Variants in RUFY2 observed in about 807,000 individuals in gnomAD.
RUFY2 encodes the protein RUN and FYVE domain containing 2.
RUFY2 carries 49 observed loss-of-function variants against 94.4 expected under a neutral mutation model. The observed-to-expected ratio is 0.52, with a 90% CI of 0.41 to 0.66. The LOEUF is 0.66. Ranked by LOEUF, RUFY2 falls within the 30% of genes least tolerant of loss-of-function variation. RUFY2 has a pLI of 0.00. For synonymous variants in RUFY2, 255 were observed against 235.7 expected, an observed-to-expected ratio of 1.08 and a Z score of -0.75; for missense variants, 541 against 692.8, an observed-to-expected ratio of 0.78 and a Z score of 2.46.
chr10:68,349,565 G>A (rs1354126933), intron 16 of RUFY2, among the ~76,000 whole-genome samples: 1 of 151,792 alleles, frequency 6.6e-6, no homozygotes, highest in East Asian at 1.9e-4. Flanking sequence ...TTGAGACAGA[G>A]TCTCGCTCTG....
chr10:68,368,343 A>T (rs1286691058), intron 13 of RUFY2, among the ~76,000 whole-genome samples: 1 of 151,906 alleles, frequency 6.6e-6, no homozygotes, highest in African/African-American at 2.4e-5. Flanking sequence ...CAAATTTCTC[A>T]AATTATTATA....
In RUFY2 at chr10:68,349,050, C is replaced by T. The variant is rs61857313; in HGVS notation, c.1600-2966G>A. The stretch of plus-strand genomic sequence containing the variant: ...AGAGAAAAGTCCTGTAAATACTAAA[C>T]ATTTGTAGAGGGTACCCAATAGTTC... On this transcript the variant is annotated intron_variant, in intron 16 of 17. Coordinates refer to ENST00000602465, the MANE Select transcript of RUFY2 (RefSeq NM_001330103.2). Among the ~76,000 whole-genome samples the T allele has an allele frequency of 2.0e-5, 3 of 152,102 alleles. No homozygotes were observed. The East Asian group carries it at 5.8e-4, about 29-fold the overall frequency.
chr10:68,396,999 T>G, intron 3 of RUFY2, 118 bp from the exon 4 acceptor site: 1 of 641,704 alleles, frequency 1.6e-6, no homozygotes, highest in Non-Finnish European at 2.7e-6. Flanking sequence ...TTGTTTTCAT[T>G]TTTATAGGTT....
chr10:68,385,597 T>TA (rs1220231002), intron 8 of RUFY2, among the ~76,000 whole-genome samples: 2 of 152,146 alleles, frequency 1.3e-5, no homozygotes, highest in Non-Finnish European at 2.9e-5. Flanking sequence ...TTCTTTTTTT[T>TA]AATGTGTATT....
chr10:68,396,878 G>A lies in RUFY2; in HGVS notation c.300C>T (p.Thr100=), dbSNP rs773125249. Residue 100 remains threonine, a synonymous_variant, in exon 4 of 18, where the codon ACC becomes ACT. Coordinates refer to ENST00000602465, the MANE Select transcript of RUFY2 (RefSeq NM_001330103.2). ...GCCACGCTCTTGCTCGACCCAGAGG[G>A]GTCCTAAAGAGAAGAACCAATTGAT... The part of the protein sequence containing the change: ...ASVRDLPGLK[T]PLGRARAWLR... 3 of 1,610,848 alleles carry A rather than the reference G, an allele frequency of 1.9e-6. No homozygotes were observed. The highest frequency in any genetic ancestry group is 8.5e-7 in the Non-Finnish European group (1 of 1,177,938).
intron 16 of RUFY2, among the ~76,000 whole-genome samples, chr10:68,350,221 G>A (rs985873808): frequency 5.3e-5 from 8 of 151,896 alleles, no homozygotes; most frequent in Non-Finnish European, 1.2e-4. Context: ...TGTTGGCCAG[G>A]TTGGTCTCGA....
In RUFY2 at chr10:68,395,430, A is replaced by G. The variant is rs192451611; in HGVS notation, c.399-979T>C. ...TGACTGCTGCTGATCTGATTATGAT[A>G]TATTTTATTAGAGTTGAATTTTCAA... On this transcript the variant is annotated intron_variant, in intron 4 of 17. Transcript: ENST00000602465. Among the ~76,000 whole-genome samples the G allele has an allele frequency of 4.8e-3, 726 of 152,200 alleles. 32 individuals carry two copies. Among genetic ancestry groups the G allele is most frequent in the Admixed American group, 0.041 (632 of 15,272 alleles).
chr10:68,354,621 C>T (rs2046918358), intron 16 of RUFY2, among the ~76,000 whole-genome samples: 1 of 152,184 alleles, frequency 6.6e-6, no homozygotes. Context: ...CACTTTCACA[C>T]ACATGTATTA....
chr10:68,387,987 G>A (rs1355236030), intron 7 of RUFY2, among the ~76,000 whole-genome samples: 1 of 151,848 alleles, frequency 6.6e-6, no homozygotes, highest in East Asian at 1.9e-4. Flanking sequence ...TGGGTGACAG[G>A]GCAAGACTCT....
chr10:68,401,791 CTT>C, intron 2 of RUFY2, 54 bp from the exon 3 acceptor site: 1 of 1,021,220 alleles, frequency 9.8e-7, no homozygotes, highest in Non-Finnish European at 1.5e-6. Flanking sequence ...ACTGTAGTAA[CTT>C]ATTTTTAAAT....
chr10:68,402,811 T>C (rs2050951575), intron 2 of RUFY2, among the ~76,000 whole-genome samples: 2 of 150,922 alleles, frequency 1.3e-5, no homozygotes, highest in African/African-American at 2.4e-5. Context: ...CAGATGTCTA[T>C]GTAAATGGAA....
rs2048721928 is a variant in RUFY2, at chr10:68,376,944, C to T, written c.1234G>A (p.Glu412Lys). The T allele has an allele frequency of 6.2e-7, 1 of 1,613,560 alleles. No homozygotes were observed. The highest frequency in any genetic ancestry group is 8.5e-7 in the Non-Finnish European group (1 of 1,179,922). ...TATTTCTCATCCTCATCTTCAGCTT[C>T]CATTTGCGCCTTCTCTGCTTGCTGC... ...RLQQAEKAQM[E>K]AEDEDEKYLQ... The change falls in exon 13 of 18, where the codon GAA (glutamate) becomes AAA (lysine). Residue 412 changes from glutamate (E) to lysine (K), a missense_variant. By Grantham distance (56) the Glu-to-Lys change is moderately conservative. This residue lies in a region of RUFY2 where 403 missense variants were observed against 480.7 expected (regional missense o/e 0.84). Coordinates refer to ENST00000602465, the MANE Select transcript of RUFY2 (RefSeq NM_001330103.2).
At chr10:68,347,034 G>A (rs7923937) in intron 16 of RUFY2, among the ~76,000 whole-genome samples, 16,428 of 151,966 alleles carry the variant, frequency 0.11, 1,104 homozygotes, top group South Asian at 0.24. Context: ...AGGGAGAATC[G>A]CTTAAGCCCA....
At chr10:68,381,675 T>G (rs1023659975) in intron 10 of RUFY2, among the ~76,000 whole-genome samples, 1 of 152,026 alleles carries the variant, frequency 6.6e-6, no homozygotes, top group Non-Finnish European at 1.5e-5. Context: ...TGAAACTCCG[T>G]CTCTACCAAA....
chr10:68,399,392 CT>C (rs943860941), intron 3 of RUFY2, among the ~76,000 whole-genome samples: 11 of 152,128 alleles, frequency 7.2e-5, no homozygotes, highest in African/African-American at 2.7e-4. Flanking sequence ...GCCTCTGCCA[CT>C]TTTTAACTAT....
intron 3 of RUFY2, among the ~76,000 whole-genome samples, chr10:68,398,800 ATAAT>A (rs1325808718): frequency 2.0e-5 from 3 of 152,052 alleles, no homozygotes; most frequent in Non-Finnish European, 2.9e-5. Flanking sequence ...TTCACTTCTA[ATAAT>A]TAACGCATTT....
chr10:68,373,242 C>G (rs774485246), intron 13 of RUFY2, among the ~76,000 whole-genome samples: 27 of 152,108 alleles, frequency 1.8e-4, no homozygotes, highest in Non-Finnish European at 2.6e-4. Flanking sequence ...CACCAAAAAT[C>G]TATACCAAGA....
intron 16 of RUFY2, among the ~76,000 whole-genome samples, chr10:68,353,492 G>T (rs777083126): frequency 1.3e-5 from 2 of 150,830 alleles, no homozygotes; most frequent in Non-Finnish European, 3.0e-5. Context: ...GCAAGACTCC[G>T]TCTCAAAAAA....
Position 68,405,323 on chromosome 10 carries a change from A to AAG in RUFY2, c.5-480_5-479insCT, listed in dbSNP as rs1278450420. On this transcript the variant is annotated intron_variant, in intron 1 of 17. Coordinates refer to ENST00000602465, the MANE Select transcript of RUFY2 (RefSeq NM_001330103.2). Reference sequence around the variant, plus strand: ...CGAATCTCCGTCTCACAAAAAAAAAAAAAAGAAAAAGAAAGAAAGAAAGAA... The same window carrying AAG: ...CGAATCTCCGTCTCACAAAAAAAAAAAGAAAAGAAAAAGAAAGAAAGAAAGAA... 530 of 320,608 alleles carry AAG rather than the reference A, an allele frequency of 1.7e-3. 8 individuals are homozygous for AAG. Among genetic ancestry groups the AAG allele is most frequent in the African/African-American group, 0.011 (505 of 44,326 alleles). 19.9% of individuals were successfully genotyped at this position (320,608 alleles called of 1,614,324 possible).
Sources: allele counts gnomAD v4.1 joint callset (sites outside exome capture counted in the v4.1 genomes callset), GRCh38; gene constraint gnomAD v4.1.1; regional missense constraint gnomAD v4.1.1; transcripts MANE v1.5; gene names NCBI Gene and HGNC (gene_info 2026-07-23, HGNC 2026-07-21).